Variants in PKD1L3 observed in about 807,000 individuals in gnomAD.
The protein encoded by PKD1L3 is polycystin-1-like protein 3.
Under a neutral mutation model 184.1 loss-of-function variants are expected in PKD1L3, and 239 were observed. The ratio of observed to expected loss-of-function variants is 1.30; its 90% CI spans 1.17 to 1.45. The LOEUF (loss-of-function observed/expected upper bound fraction) is 1.45, where lower values mean the gene tolerates loss of function less well. Among genes scored for constraint, PKD1L3 ranks in the 40% most tolerant of loss-of-function variants. The pLI, the probability that PKD1L3 is intolerant of heterozygous loss-of-function variation, is 0.00. For synonymous variants in PKD1L3, 996 were observed against 778.8 expected (o/e 1.28, Z -4.64); for missense variants, 2,660 against 2,067.2 (o/e 1.29, Z -5.56).
At chr16:71,997,403 A>G (rs1377859341) in intron 2 of PKD1L3, among the ~76,000 whole-genome samples, 4 of 132,388 alleles carry the variant, frequency 3.0e-5, no homozygotes, top group African/African-American at 6.1e-5. Flanking sequence ...CCTGGACAAC[A>G]TAACAAGACC....
At chr16:71,973,270 G>A in intron 12 of PKD1L3, 54 bp downstream of exon 12, 1 of 1,517,940 alleles carries the variant, frequency 6.6e-7, no homozygotes, top group Non-Finnish European at 8.9e-7. Flanking sequence ...GATGCATTGG[G>A]CTTAACAGTA....
rs934857433 is a variant in PKD1L3 at position 71,985,671 on chromosome 16, G to C, written c.834+550C>G. On this transcript the variant is annotated intron_variant, in intron 5 of 29. Coordinates refer to ENST00000620267, the MANE Select transcript of PKD1L3 (RefSeq NM_181536.2). The stretch of plus-strand genomic sequence containing the variant: ...GCTGGTCTCAAACTCGGGCTTACGT[G>C]ATCCTCCACCTCGGCCTCCCAAAGT... Among the ~76,000 whole-genome samples the C allele has an allele frequency of 2.6e-5, 4 of 152,146 alleles. No individual in the cohort carries two copies. In the East Asian group the frequency reaches 7.7e-4, roughly 29 times the overall value.
intron 13 of PKD1L3, 102 bp from the exon 14 acceptor site, chr16:71,968,109 GGCA>G: frequency 1.1e-6 from 1 of 906,240 alleles, no homozygotes; most frequent in East Asian, 2.7e-5. Flanking sequence ...GCAGGTGTCT[GGCA>G]GCCCTGCAGA....
chr16:71,969,384 A>G (rs1168933792), intron 13 of PKD1L3, among the ~76,000 whole-genome samples: 1 of 151,104 alleles, frequency 6.6e-6, no homozygotes, highest in African/African-American at 2.4e-5. Flanking sequence ...AGCTCACTGC[A>G]GCTTCAAGGC....
chr16:71,945,299 T>TACACACACACACAC (rs1226637310), intron 22 of PKD1L3, among the ~76,000 whole-genome samples: 2 of 65,948 alleles, frequency 3.0e-5, no homozygotes, highest in African/African-American at 1.4e-4. Flanking sequence ...TATATATATA[T>TACACACACACACAC]ATATATACAC....
chr16:71,935,405 AAT>A lies in PKD1L3; in HGVS notation c.4564_4565del (p.Ile1522PhefsTer4), dbSNP rs1567487924. The A allele has an allele frequency of 3.9e-6, 6 of 1,551,826 alleles. No homozygotes were observed. The highest frequency in any genetic ancestry group is 5.2e-6 in the Non-Finnish European group (6 of 1,147,006). ...FILLGLDMKS[I>X]SLHKKNMARY... ...GTGCCATGTTTTTCTTATGTAGAGA[AAT>A]ACTCTTCATGTCAAGCCCCAGGAGG... On this transcript the variant is annotated frameshift_variant, in exon 26 of 30. Transcript: ENST00000620267. LOFTEE classifies it high-confidence loss of function.
At chr16:71,951,831 T>G (rs1028173423) in intron 18 of PKD1L3, 87 bp from the exon 19 acceptor site, 9 of 1,261,238 alleles carry the variant, frequency 7.1e-6, no homozygotes, top group Non-Finnish European at 6.5e-6. Flanking sequence ...GCCGTTCCCT[T>G]TCGTCAGAAG....
intron 3 of PKD1L3, 92 bp from the exon 4 acceptor site, chr16:71,990,421 T>A: frequency 9.1e-7 from 1 of 1,094,966 alleles, no homozygotes; most frequent in Non-Finnish European, 1.3e-6. Flanking sequence ...TGGCTAAAAA[T>A]AATGCAAATT....
At chr16:71,951,462 T>C (rs902595472) in intron 19 of PKD1L3, 102 bp downstream of exon 19, 2 of 1,195,146 alleles carry the variant, frequency 1.7e-6, no homozygotes, top group African/African-American at 1.6e-5. Context: ...AACCAGAAGG[T>C]TGTATCAGGC....
intron 2 of PKD1L3, among the ~76,000 whole-genome samples, chr16:71,994,991 GA>G (rs912010837): frequency 2.4e-3 from 352 of 149,570 alleles, no homozygotes; most frequent in African/African-American, 8.1e-3. Context: ...TCCATCTCAA[GA>G]AAAAAAAACA....
At chr16:71,954,061 A>AAC (rs34041171) in intron 17 of PKD1L3, 44 bp downstream of exon 17, 27,203 of 1,298,172 alleles carry the variant, frequency 0.021, 71 homozygotes, top group Non-Finnish European at 0.024. Context: ...AAAAAAAAAA[A>AAC]GGATTGCTTA....
intron 13 of PKD1L3, 31 bp from the exon 14 acceptor site, chr16:71,968,038 T>TA: frequency 6.6e-7 from 1 of 1,511,950 alleles, no homozygotes; most frequent in Non-Finnish European, 9.0e-7. Context: ...TGCAACTTAC[T>TA]AGGCCTCCAC....
intron 18 of PKD1L3, 40 bp from the exon 19 acceptor site, chr16:71,951,784 C>G (rs1197772457): frequency 5.9e-6 from 9 of 1,516,186 alleles, no homozygotes; most frequent in Non-Finnish European, 8.0e-6. Context: ...GCCTGTTTTT[C>G]ATTAACCCAG....
intron 22 of PKD1L3, among the ~76,000 whole-genome samples, chr16:71,944,399 G>C (rs940696364): frequency 2.6e-5 from 4 of 152,140 alleles, no homozygotes. Context: ...GAGTTACTAG[G>C]CTGAACACAG....
chr16:71,943,300 G>T (rs920725623), intron 23 of PKD1L3, among the ~76,000 whole-genome samples: 1 of 152,056 alleles, frequency 6.6e-6, no homozygotes, highest in Non-Finnish European at 1.5e-5. Flanking sequence ...ACTTTGGGAA[G>T]CTGAGACGGG....
chr16:71,952,042 TTAATCATC>T (rs1237621237), intron 18 of PKD1L3, among the ~76,000 whole-genome samples: 8 of 152,010 alleles, frequency 5.3e-5, no homozygotes, highest in Non-Finnish European at 1.0e-4. Flanking sequence ...CTCAGAATAC[TTAATCATC>T]AAGAGTAAAA....
intron 16 of PKD1L3, 22 bp from the exon 17 acceptor site, chr16:71,954,323 G>T (rs767081889): frequency 6.8e-7 from 1 of 1,475,880 alleles, no homozygotes; most frequent in Non-Finnish European, 9.1e-7. Context: ...AATCAGAAGA[G>T]GAAATACATG....
chr16:71,995,161 G>C (rs79515913), intron 2 of PKD1L3, among the ~76,000 whole-genome samples: 2 of 152,098 alleles, frequency 1.3e-5, no homozygotes, highest in Non-Finnish European at 2.9e-5. Context: ...GTTGGGGGAA[G>C]GCTGCAACCT....
rs71153694 is a variant in PKD1L3 at position 71,986,914 on chromosome 16, A to ATTTTTTT, written c.586-452_586-446dup. On this transcript the variant is annotated intron_variant, in intron 4 of 29. Transcript: ENST00000620267. ...GAGGATGTTCAGTGGTAAGGAGAGG[A>ATTTTTTT]TTTTTTTTTTTTTTTTTTTTTTTTT... Among the ~76,000 whole-genome samples, 483 of 81,360 alleles carry ATTTTTTT rather than the reference A, an allele frequency of 5.9e-3. 106 individuals are homozygous for ATTTTTTT. The highest frequency in any genetic ancestry group is 0.026 in the African/African-American group (468 of 17,816). The allele number at this position is 81,360 out of a possible 152,430, so 53.4% of individuals were successfully genotyped here.
Sources: gnomAD v4.1 joint callset for allele counts (sites outside exome capture counted in the v4.1 genomes callset) on GRCh38, gnomAD v4.1.1 for gene constraint, MANE v1.5 for transcripts, NCBI Gene and HGNC (gene_info 2026-07-23, HGNC 2026-07-21) for gene names.